MIX23: variants seen among roughly 807,000 people sequenced by gnomAD.
The protein encoded by MIX23 is protein MIX23.
A neutral mutation model predicts 21.6 loss-of-function variants in MIX23; 13 were observed. The ratio of observed to expected loss-of-function variants is 0.60; its 90% confidence interval spans 0.39 to 0.96. MIX23 has a LOEUF of 0.96. MIX23 is among the 40% of genes least tolerant of loss of function. The probability of loss-of-function intolerance (pLI) is 0.00; values close to 1 mark genes in which losing one functional copy is unlikely to be tolerated. For missense variants in MIX23, 144 were observed against 171.2 expected (o/e 0.84, Z 0.89); for synonymous variants, 59 against 58.0 (o/e 1.02, Z -0.08).
intron 2 of MIX23, among the ~76,000 whole-genome samples, chr3:122,370,743 T>C (rs1033689706): frequency 3.3e-5 from 5 of 152,144 alleles, no homozygotes; most frequent in Non-Finnish European, 7.4e-5. Flanking sequence ...TCAAACAACC[T>C]CATAGCCAAT....
intron 1 of MIX23, among the ~76,000 whole-genome samples, chr3:122,381,501 G>A (rs2075531152): frequency 6.6e-6 from 1 of 152,184 alleles, no homozygotes; most frequent in Non-Finnish European, 1.5e-5. Context: ...TGAAAGGGGT[G>A]CGGATCACCT....
chr3:122,381,643 G>A (rs868057451), intron 1 of MIX23, among the ~76,000 whole-genome samples: 1 of 151,700 alleles, frequency 6.6e-6, no homozygotes, highest in Non-Finnish European at 1.5e-5. Context: ...GCTTGAACTC[G>A]GGAGGTGGAG....
At chr3:122,372,224 C>CAAAAAAAAAAAAAAAAAA (rs55800173) in intron 1 of MIX23, among the ~76,000 whole-genome samples, 1 of 46,100 alleles carries the variant, frequency 2.2e-5, no homozygotes, top group Non-Finnish European at 4.0e-5. Context: ...CTCCAACTCT[C>CAAAAAAAAAAAAAAAAAA]AAAAAAAAAA....
rs542974022 is a variant in MIX23, at chr3:122,362,375, T to A, written c.384+593A>T. The stretch of plus-strand genomic sequence containing the variant: ...GAGTAGTAACTCTAAATAGCAACCA[T>A]GCCTGTAATTAGTGTTAGGAGACAT... On this transcript the variant is annotated intron_variant, in intron 4 of 4. Coordinates refer to ENST00000291458, the MANE Select transcript of MIX23 (RefSeq NM_001017928.4). Among the ~76,000 whole-genome samples the A allele has an allele frequency of 1.2e-4, 19 of 152,336 alleles. 1 individual carries two copies. The South Asian group carries it at 3.9e-3, about 32-fold the overall frequency.
rs933041915 is a variant in MIX23 at position 122,367,395 on chromosome 3, T to G, written c.324+781A>C. Among the ~76,000 whole-genome samples, 16 of 152,240 alleles carry G rather than the reference T, an allele frequency of 1.1e-4. 1 individual carries two copies. ...AAATATGCTGTATTTTTCTATTGTT[T>G]CCTTGACACGTCACATACAAGTGCT... is the stretch of plus-strand genomic sequence containing the variant. On this transcript the variant is annotated intron_variant, in intron 3 of 4. Coordinates refer to ENST00000291458, the MANE Select transcript of MIX23 (RefSeq NM_001017928.4).
chr3:122,359,778 C>T lies in MIX23; in HGVS notation c.*91G>A. ...TTGGCTCAGAAATCATCCTAGAAAG[C>T]CCGCCCTGTTGATATCTGTCATGCT... On this transcript the variant is annotated 3_prime_UTR_variant, in exon 5 of 5. Coordinates refer to ENST00000291458, the MANE Select transcript of MIX23 (RefSeq NM_001017928.4). The T allele has an allele frequency of 7.6e-7, 1 of 1,316,786 alleles. No homozygotes were observed. Among genetic ancestry groups the T allele is most frequent in the African/African-American group, 1.6e-5 (1 of 62,518 alleles). 81.6% of individuals were successfully genotyped at this position (1,316,786 alleles called of 1,614,324 possible).
chr3:122,370,408 G>A (rs968105131), intron 2 of MIX23, among the ~76,000 whole-genome samples: 2 of 123,384 alleles, frequency 1.6e-5, no homozygotes, highest in East Asian at 5.6e-4. Flanking sequence ...ACTGAGCTGA[G>A]ATTCTGCCAC....
intron 1 of MIX23, among the ~76,000 whole-genome samples, chr3:122,372,511 C>T (rs2075449640): frequency 6.6e-6 from 1 of 152,022 alleles, no homozygotes; most frequent in African/African-American, 2.4e-5. Flanking sequence ...AACAACAAAA[C>T]ACAGCCACTT....
At chr3:122,373,829 C>T (rs1451514907) in intron 1 of MIX23, among the ~76,000 whole-genome samples, 1 of 152,138 alleles carries the variant, frequency 6.6e-6, no homozygotes, top group Non-Finnish European at 1.5e-5. Flanking sequence ...TAATAAAACA[C>T]TAGCAAATAT....
chr3:122,359,628 A>ATTTTTT lies in MIX23; in HGVS notation c.*235_*240dup. On this transcript the variant is annotated 3_prime_UTR_variant, in exon 5 of 5. Transcript: ENST00000291458. ...GAAAATTATTTTAATAGTTACAAAA[A>ATTTTTT]TTTTTTTTTTTTTTTTTTACAGAAT... 4.2e-6 allele frequency: 1 copy of ATTTTTT among 238,590 alleles called. No homozygotes were observed. Among genetic ancestry groups the ATTTTTT allele is most frequent in the Non-Finnish European group, 7.7e-6 (1 of 129,984 alleles). 14.8% of individuals were successfully genotyped at this position (238,590 alleles called of 1,614,324 possible). A position where few individuals can be genotyped will look rare whatever the true frequency, so the allele number is the denominator to read the frequency against.
intron 1 of MIX23, among the ~76,000 whole-genome samples, chr3:122,374,488 T>G (rs1294394935): frequency 6.6e-6 from 1 of 152,232 alleles, no homozygotes; most frequent in Non-Finnish European, 1.5e-5. Flanking sequence ...AGATTACTTA[T>G]ATCTAATACA....
At position 122,368,295 on chromosome 3, in the gene MIX23, T is replaced by C. The variant is rs764705241; in HGVS notation, c.205A>G (p.Arg69Gly). Residue 69 changes from arginine to glycine, a missense_variant, in exon 3 of 5, where the codon AGA becomes GGA. Physicochemically the swap from Arg to Gly is moderately radical, Grantham distance 125. Coordinates refer to ENST00000291458, the MANE Select transcript of MIX23 (RefSeq NM_001017928.4). ...TGGGCTATACAGTTTTTTATGACTC[T>C]GTCTCTACTGGCATGAGCTGCCATC... ...SLMAAHASRD[R>G]VIKNCIAQTS... The C allele has an allele frequency of 1.2e-5, 19 of 1,605,446 alleles. No homozygotes were observed. In the Admixed American group the frequency reaches 3.3e-4, roughly 27 times the overall value.
Position 122,369,419 on chromosome 3 carries a change from G to T in MIX23, c.178-1097C>A, listed in dbSNP as rs192527874. Among the ~76,000 whole-genome samples, 47 of 152,314 alleles carry T rather than the reference G, an allele frequency of 3.1e-4. No individual in the cohort carries two copies. In the East Asian group the frequency reaches 6.2e-3, roughly 20 times the overall value. On this transcript the variant is annotated intron_variant, in intron 2 of 4. Coordinates refer to ENST00000291458, the MANE Select transcript of MIX23 (RefSeq NM_001017928.4). ...AGCTGGGTCAGGGATTAAAGTCAGG[G>T]TGAACATGAGCAACTTGGATATTTC...
intron 1 of MIX23, chr3:122,373,097 TTAAA>T: frequency 2.7e-6 from 1 of 375,826 alleles, no homozygotes; most frequent in Non-Finnish European, 5.1e-6. Flanking sequence ...GAAAAAAACT[TTAAA>T]TAAAAATCAT....
intron 1 of MIX23, among the ~76,000 whole-genome samples, chr3:122,373,967 G>A (rs951040297): frequency 6.6e-6 from 1 of 151,806 alleles, no homozygotes; most frequent in South Asian, 2.1e-4. Flanking sequence ...CACACATAGT[G>A]AAGGATATAT....
intron 1 of MIX23, among the ~76,000 whole-genome samples, chr3:122,379,622 G>T (rs2075514953): frequency 6.6e-6 from 1 of 152,124 alleles, no homozygotes; most frequent in Non-Finnish European, 1.5e-5. Context: ...AATTCACCAA[G>T]AAAATACATA....
chr3:122,361,690 C>A lies in MIX23; in HGVS notation c.384+1278G>T, dbSNP rs548372205. Among the ~76,000 whole-genome samples, 6 of 152,100 alleles carry A rather than the reference C, an allele frequency of 3.9e-5. No homozygotes were observed. In the East Asian group the frequency reaches 1.2e-3, roughly 29 times the overall value. ...CATTGTACCCCTTCCCCATCCAATC[C>A]CAAGAGTAAATATTATTTTTCCAGA... On this transcript the variant is annotated intron_variant, in intron 4 of 4. Coordinates refer to ENST00000291458, the MANE Select transcript of MIX23 (RefSeq NM_001017928.4).
intron 3 of MIX23, among the ~76,000 whole-genome samples, chr3:122,364,577 G>C (rs2075382632): frequency 6.6e-6 from 1 of 152,160 alleles, no homozygotes; most frequent in African/African-American, 2.4e-5. Context: ...TATATCATGG[G>C]AGCAGAATTT....
intron 1 of MIX23, among the ~76,000 whole-genome samples, chr3:122,378,446 A>G (rs1473156130): frequency 1.3e-5 from 2 of 152,250 alleles, no homozygotes; most frequent in Non-Finnish European, 2.9e-5. Context: ...AATGACAAGG[A>G]AACATTCTGA....
Sources: allele counts gnomAD v4.1 joint callset (sites outside exome capture counted in the v4.1 genomes callset), GRCh38; gene constraint gnomAD v4.1.1; transcripts MANE v1.5; gene names NCBI Gene and HGNC (gene_info 2026-07-23, HGNC 2026-07-21).